The following MRE11 variants were observed in gnomAD, a reference collection of about 807,000 sequenced individuals.
MRE11 encodes the protein double-strand break repair protein MRE11.
Under a neutral mutation model 91.7 loss-of-function variants are expected in MRE11, and 62 were observed. The ratio of observed to expected loss-of-function variants is 0.68; its 90% CI spans 0.55 to 0.84. MRE11 has a LOEUF of 0.84. Among genes scored for constraint, MRE11 ranks in the 40% least tolerant of loss-of-function variants. The pLI, the probability that MRE11 is intolerant of heterozygous loss-of-function variation, is 0.00. For missense variants in MRE11, 796 were observed against 852.9 expected (o/e 0.93, Z 0.83); for synonymous variants, 273 against 271.4 (o/e 1.01, Z -0.06).
the MRE11 span, among the ~76,000 whole-genome samples, chr11:94,508,043 C>T: frequency 6.6e-6 from 1 of 152,114 alleles, no homozygotes; most frequent in Admixed American, 6.5e-5. Context: ...GATCGTAGCT[C>T]AGTGCAGCCT....
chr11:94,504,205 C>T, the MRE11 span, among the ~76,000 whole-genome samples: 48 of 152,216 alleles, frequency 3.2e-4, 1 homozygote, highest in East Asian at 7.9e-3. Flanking sequence ...TCAAAAGTCA[C>T]TGGGTTTTAA....
upstream of MRE11, among the ~76,000 whole-genome samples, chr11:94,494,633 C>G (rs925532911): frequency 2.6e-5 from 4 of 152,134 alleles, no homozygotes. Context: ...ATATCATCAT[C>G]AAGTCATCAG....
At chr11:94,436,261 G>A (rs567402921) in intron 17 of MRE11, among the ~76,000 whole-genome samples, 2 of 152,196 alleles carry the variant, frequency 1.3e-5, no homozygotes, top group South Asian at 2.1e-4. Context: ...TTTAAATGAG[G>A]TATCAGACCA....
At chr11:94,430,623 A>C (rs995924829) in intron 18 of MRE11, among the ~76,000 whole-genome samples, 5 of 151,610 alleles carry the variant, frequency 3.3e-5, no homozygotes, top group African/African-American at 1.2e-4. Flanking sequence ...CACCATGCCC[A>C]GCTAATTTTT....
At chr11:94,491,409 C>T (rs1015454346) in intron 2 of MRE11, among the ~76,000 whole-genome samples, 1 of 152,070 alleles carries the variant, frequency 6.6e-6, no homozygotes, top group Non-Finnish European at 1.5e-5. Flanking sequence ...ACATTCAGGG[C>T]CTTGAAGACA....
rs763790530 is a variant in MRE11, at chr11:94,471,746, T to G, written c.673A>C (p.Ser225Arg). Reference protein sequence around the residue: ...VIHQNRSKHGSTNFIPEQFLD... With the variant: ...VIHQNRSKHGRTNFIPEQFLD... ...AATTGTTCTGGAATGAAGTTAGTAC[T>G]TCCATGTTTACTCCTGTATCAAGAT... Residue 225 changes from serine to arginine, a missense_variant, in exon 8 of 20, where the codon AGT becomes CGT. Ser to Arg is a moderately radical substitution (Grantham distance 110). Coordinates refer to ENST00000323929, the MANE Select transcript of MRE11 (RefSeq NM_005591.4). The G allele has an allele frequency of 1.2e-6, 2 of 1,611,480 alleles. No individual in the cohort carries two copies. Among genetic ancestry groups the G allele is most frequent in the Admixed American group, 3.3e-5 (2 of 59,796 alleles).
chr11:94,497,147 T>C (rs2135161656), upstream of MRE11: 1 of 661,270 alleles, frequency 1.5e-6, no homozygotes, highest in Admixed American at 2.8e-5. Context: ...AGGATAATTA[T>C]CTATAAAGAT....
chr11:94,475,484 C>T, intron 7 of MRE11: 1 of 410,306 alleles, frequency 2.4e-6, no homozygotes, highest in Non-Finnish European at 4.9e-6. Flanking sequence ...GAGTTCTTCC[C>T]TGACAACTTC....
chr11:94,493,970 A>G (rs903903046), upstream of MRE11: 11 of 152,436 alleles, frequency 7.2e-5, no homozygotes, highest in East Asian at 2.1e-3. Flanking sequence ...GCAGGAGCCA[A>G]TCCTGAGCAG....
intron 19 of MRE11, among the ~76,000 whole-genome samples, chr11:94,427,765 A>C (rs1328578549): frequency 6.6e-6 from 1 of 152,144 alleles, no homozygotes; most frequent in Non-Finnish European, 1.5e-5. Context: ...CTGAGAGTCA[A>C]ATCAAGAACA....
the MRE11 span, among the ~76,000 whole-genome samples, chr11:94,507,964 T>TTTTA: frequency 6.6e-6 from 1 of 152,210 alleles, no homozygotes; most frequent in South Asian, 2.1e-4. Context: ...AATATCTTAA[T>TTTTA]TTTATTTATT....
chr11:94,435,367 C>CA (rs1300666015), intron 18 of MRE11, among the ~76,000 whole-genome samples: 7 of 151,994 alleles, frequency 4.6e-5, no homozygotes, highest in Non-Finnish European at 1.0e-4. Context: ...CCAGCTTGGG[C>CA]AACATGGCAA....
chr11:94,498,629 A>G (rs1947451921), upstream of MRE11: 4 of 1,061,388 alleles, frequency 3.8e-6, no homozygotes, highest in East Asian at 4.8e-5. Context: ...TCTTACTACA[A>G]AAATTCAGTG....
At chr11:94,459,367 G>A in intron 13 of MRE11, 41 bp downstream of exon 13, 1 of 1,604,256 alleles carries the variant, frequency 6.2e-7, no homozygotes, top group Non-Finnish European at 8.5e-7. Flanking sequence ...CTTAAAGACA[G>A]ACTATTTAAA....
intron 2 of MRE11, among the ~76,000 whole-genome samples, chr11:94,492,014 A>G (rs1379989706): frequency 6.6e-6 from 1 of 152,248 alleles, no homozygotes; most frequent in Non-Finnish European, 1.5e-5. Flanking sequence ...TTCCAATTAT[A>G]CCAATGGCAA....
At chr11:94,503,404 A>G in the MRE11 span, among the ~76,000 whole-genome samples, 2 of 152,148 alleles carry the variant, frequency 1.3e-5, no homozygotes, top group Non-Finnish European at 2.9e-5. Context: ...AGCCAAAGCA[A>G]TATTTAAAAA....
intron 13 of MRE11, among the ~76,000 whole-genome samples, chr11:94,458,129 C>A (rs1268615239): frequency 6.6e-6 from 1 of 151,438 alleles, no homozygotes; most frequent in African/African-American, 2.4e-5. Context: ...ACATTGACAC[C>A]ATAAGGCTTT....
intron 14 of MRE11, among the ~76,000 whole-genome samples, chr11:94,454,325 C>T (rs1336762171): frequency 4.6e-5 from 7 of 152,072 alleles, no homozygotes; most frequent in African/African-American, 1.4e-4. Context: ...CCACCTGCCT[C>T]GGCCTCCCAA....
the MRE11 span, among the ~76,000 whole-genome samples, chr11:94,507,810 C>A: frequency 6.6e-6 from 1 of 151,978 alleles, no homozygotes; most frequent in African/African-American, 2.4e-5. Flanking sequence ...CTTCATCTTT[C>A]TCCATTTTCT....
Sources: allele counts gnomAD v4.1 joint callset (sites outside exome capture counted in the v4.1 genomes callset), GRCh38; gene constraint gnomAD v4.1.1; transcripts MANE v1.5; gene names NCBI Gene and HGNC (gene_info 2026-07-23, HGNC 2026-07-21).